Variants in SYBU observed in about 807,000 individuals in gnomAD.
SYBU encodes the protein syntabulin.
In SYBU, 21 loss-of-function variants were observed where a neutral mutation model predicts 35.9. The ratio of observed to expected loss-of-function variants is 0.58; its 90% CI spans 0.41 to 0.84. The LOEUF (loss-of-function observed/expected upper bound fraction) is 0.84, where lower values mean the gene tolerates loss of function less well. Among genes scored for constraint, SYBU ranks in the 40% least tolerant of loss-of-function variants. SYBU has a pLI of 0.00. For missense variants in SYBU, 768 were observed against 848.2 expected (o/e 0.91, Z 1.17); for synonymous variants, 319 against 324.3 (o/e 0.98, Z 0.18).
intron 1 of SYBU, among the ~76,000 whole-genome samples, chr8:109,689,055 A>C (rs1364387036): frequency 1.3e-5 from 2 of 152,162 alleles, no homozygotes; most frequent in African/African-American, 2.4e-5. Context: ...ATATATAGTA[A>C]AATGAAATAT....
At chr8:109,615,409 T>C (rs1219493444) in intron 3 of SYBU, among the ~76,000 whole-genome samples, 3 of 152,096 alleles carry the variant, frequency 2.0e-5, no homozygotes, top group Non-Finnish European at 4.4e-5. Flanking sequence ...AATTTTAGAG[T>C]CATCCAGGGG....
At chr8:109,587,253 A>G (rs1823720469) in intron 3 of SYBU, among the ~76,000 whole-genome samples, 1 of 152,230 alleles carries the variant, frequency 6.6e-6, no homozygotes. Context: ...GCAGTGAACA[A>G]TAATTATCAT....
intron 2 of SYBU, among the ~76,000 whole-genome samples, chr8:109,631,090 G>A (rs1340543033): frequency 6.6e-6 from 1 of 152,198 alleles, no homozygotes; most frequent in African/African-American, 2.4e-5. Flanking sequence ...GTGCTCGCCA[G>A]GACGCATTAC....
At chr8:109,665,213 C>A (rs923519347) in intron 1 of SYBU, among the ~76,000 whole-genome samples, 3 of 152,114 alleles carry the variant, frequency 2.0e-5, no homozygotes, top group Non-Finnish European at 4.4e-5. Context: ...AATATTATTT[C>A]GGTATGTAAC....
chr8:109,579,170 TC>T (rs139030635), intron 5 of SYBU, among the ~76,000 whole-genome samples: 9 of 152,304 alleles, frequency 5.9e-5, no homozygotes, highest in African/African-American at 2.2e-4. Flanking sequence ...CCTGCCTGCC[TC>T]CAAGATGACC....
At position 109,691,472 on chromosome 8, in the gene SYBU, A is replaced by G. The variant is rs1222931293; in HGVS notation, c.-197T>C. The G allele has an allele frequency of 1.8e-5, 10 of 560,160 alleles. No homozygotes were observed. Among genetic ancestry groups the G allele is most frequent in the Non-Finnish European group, 3.1e-5 (10 of 325,190 alleles). The allele number at this position is 560,160 out of a possible 1,614,324, so 34.7% of individuals were successfully genotyped here. A position where few individuals can be genotyped will look rare whatever the true frequency, so the allele number is the denominator to read the frequency against. On this transcript the variant is annotated 5_prime_UTR_variant, in exon 1 of 8. Transcript: ENST00000422135. This position sits in a 1 kb window ranked among gnomAD's most constrained non-coding sequence, Gnocchi z 4.7. ...TGCTGGTTTGCGCTCAGGCCCGGGG[A>G]GCCGGGCCCGGCCCGCTCCGCCCGC...
At chr8:109,587,677 G>C (rs988982085) in intron 3 of SYBU, among the ~76,000 whole-genome samples, 9 of 152,136 alleles carry the variant, frequency 5.9e-5, no homozygotes, top group African/African-American at 1.9e-4. Flanking sequence ...ACAAGGCAGA[G>C]AGAAGAAAAA....
At chr8:109,634,937 C>T (rs1814049194) in intron 2 of SYBU, among the ~76,000 whole-genome samples, 1 of 152,182 alleles carries the variant, frequency 6.6e-6, no homozygotes, top group South Asian at 2.1e-4. Flanking sequence ...CTCAGTCTCT[C>T]TGTTTTATTC....
At chr8:109,610,023 A>C (rs1038745512) in intron 3 of SYBU, among the ~76,000 whole-genome samples, 2 of 152,108 alleles carry the variant, frequency 1.3e-5, no homozygotes, top group African/African-American at 4.8e-5. Flanking sequence ...TACTCTAAGG[A>C]TATAGACTTC....
chr8:109,619,057 A>G lies in SYBU; in HGVS notation c.230-18T>C, dbSNP rs201778321. ...TGTGTCATCTAGAAGACAGGAATCA[A>G]TAAGTGTTTAATGATGAGGAGGAAA... On this transcript the variant is annotated intron_variant, in intron 2 of 6. Transcript: ENST00000276646. 26 of 1,595,526 alleles carry G rather than the reference A, an allele frequency of 1.6e-5. No homozygotes were observed. The African/African-American group carries it at 2.4e-4, about 15-fold the overall frequency.
At chr8:109,598,515 CAT>C (rs1825146353) in intron 3 of SYBU, among the ~76,000 whole-genome samples, 1 of 152,136 alleles carries the variant, frequency 6.6e-6, no homozygotes, top group African/African-American at 2.4e-5. Flanking sequence ...GAGTACCTAT[CAT>C]ATGGAATTTT....
chr8:109,687,688 A>AT lies in SYBU; in HGVS notation c.-58+3644dup, dbSNP rs534887484. 4.6e-5 allele frequency among the ~76,000 whole-genome samples: 7 copies of AT among 152,090 alleles called. No homozygotes were observed. The East Asian group carries it at 5.8e-4, about 13-fold the overall frequency. On this transcript the variant is annotated intron_variant, in intron 1 of 7. Coordinates refer to the SYBU transcript ENST00000422135. ...TAAGAATTACTTGGACCAAGTCTAG[A>AT]TTTTTTTTCTCTTATTACAGATAGT...
rs151255279 is a variant in SYBU at position 109,641,176 on chromosome 8, A to C, written c.229+1552T>G. Among the ~76,000 whole-genome samples, 664 of 152,316 alleles carry C rather than the reference A, an allele frequency of 4.4e-3. 2 individuals carry two copies. The highest frequency in any genetic ancestry group is 6.3e-3 in the Non-Finnish European group (431 of 68,024). The stretch of plus-strand genomic sequence containing the variant: ...AATACTTCTCAAGTAACTCCTTCTA[A>C]GTCATGTGCTTCAATGGGAATAAAA... On this transcript the variant is annotated intron_variant, in intron 2 of 6. Transcript: ENST00000276646.
rs1822184194 is a variant in SYBU, at chr8:109,575,638, G to C, written c.1260C>G (p.Val420=). 1 of 1,613,922 alleles carries C rather than the reference G, an allele frequency of 6.2e-7. No individual in the cohort carries two copies. The part of the protein sequence containing the change: ...MADGLSLEEQ[V]TGEGADRELL... ...GCTCCCTGTCAGCCCCTTCCCCCGT[G>C]ACCTGCTCTTCCAGAGATAACCCAT... is the stretch of plus-strand genomic sequence containing the variant. Residue 420 remains valine (V), a synonymous_variant, in exon 7 of 7, where the codon GTC becomes GTG. Transcript: ENST00000276646.
Position 109,595,077 on chromosome 8 carries a change from T to C in SYBU, c.428-8915A>G, listed in dbSNP as rs1212458245. The stretch of plus-strand genomic sequence containing the variant: ...TAGTGCTGGCACTCAGTAAGCACTT[T>C]AAAATTTCACTATTATTTTTACTTT... On this transcript the variant is annotated intron_variant, in intron 3 of 6. Transcript: ENST00000276646. Among the ~76,000 whole-genome samples the C allele has an allele frequency of 3.3e-5, 5 of 152,210 alleles. No individual in the cohort carries two copies. In the South Asian group the frequency reaches 1.0e-3, roughly 32 times the overall value.
At chr8:109,650,814 A>AT (rs1389746545) in intron 1 of SYBU, among the ~76,000 whole-genome samples, 5 of 152,150 alleles carry the variant, frequency 3.3e-5, no homozygotes, top group South Asian at 2.1e-4. Context: ...AATGATAACT[A>AT]TTTTTTTCTT....
chr8:109,592,030 G>T (rs999690310), intron 3 of SYBU, among the ~76,000 whole-genome samples: 1 of 151,990 alleles, frequency 6.6e-6, no homozygotes, highest in Non-Finnish European at 1.5e-5. Context: ...ATTGCTAAAA[G>T]ATTATGGAAA....
chr8:109,667,987 G>A (rs1816818306), intron 1 of SYBU, among the ~76,000 whole-genome samples: 1 of 152,016 alleles, frequency 6.6e-6, no homozygotes, highest in Admixed American at 6.6e-5. Flanking sequence ...AGTGAGAGCT[G>A]GCGTGACACC....
chr8:109,600,593 G>GA (rs1029007988), intron 3 of SYBU, among the ~76,000 whole-genome samples: 1 of 152,184 alleles, frequency 6.6e-6, no homozygotes, highest in African/African-American at 2.4e-5. Context: ...TGAGAAACTG[G>GA]AAAGGATGGG....
Sources: allele counts gnomAD v4.1 joint callset (sites outside exome capture counted in the v4.1 genomes callset), GRCh38; gene constraint gnomAD v4.1.1; non-coding constraint Gnocchi (gnomAD v3.1); transcripts MANE v1.5; gene names NCBI Gene and HGNC (gene_info 2026-07-23, HGNC 2026-07-21).